Variants in SPATA16 observed in about 807,000 individuals in gnomAD.
SPATA16 encodes spermatogenesis associated 16.
A neutral mutation model predicts 63.3 loss-of-function variants in SPATA16; 36 were observed. The observed-to-expected ratio is 0.57, with a 90% CI of 0.44 to 0.75. The LOEUF is 0.75. Among genes scored for constraint, SPATA16 ranks in the 30% least tolerant of loss-of-function variants. The pLI, the probability that SPATA16 is intolerant of heterozygous loss-of-function variation, is 0.00. For missense variants in SPATA16, 646 were observed against 679.3 expected (o/e 0.95, Z 0.54); for synonymous variants, 203 against 216.7 (o/e 0.94, Z 0.56).
At chr3:172,950,239 G>A (rs1461978370) in intron 6 of SPATA16, among the ~76,000 whole-genome samples, 1 of 152,194 alleles carries the variant, frequency 6.6e-6, no homozygotes. Context: ...CAAAGGACAA[G>A]TGAACTGCTG....
At chr3:172,934,880 T>C (rs1434474373) in intron 6 of SPATA16, among the ~76,000 whole-genome samples, 1 of 152,192 alleles carries the variant, frequency 6.6e-6, no homozygotes, top group East Asian at 1.9e-4. Context: ...GTAGTTAGTT[T>C]GGTTGTGATG....
intron 3 of SPATA16, among the ~76,000 whole-genome samples, chr3:173,028,147 G>T (rs1358858539): frequency 6.7e-6 from 1 of 149,296 alleles, no homozygotes; most frequent in African/African-American, 2.5e-5. Flanking sequence ...CCATTGTCTT[G>T]GCTGTTAGCA....
intron 4 of SPATA16, among the ~76,000 whole-genome samples, chr3:172,993,493 G>A (rs1317775450): frequency 6.6e-6 from 1 of 152,090 alleles, no homozygotes; most frequent in Non-Finnish European, 1.5e-5. Context: ...GACAGATAAA[G>A]TCATCTGTGA....
chr3:172,901,559 T>G (rs1218154129), intron 10 of SPATA16, among the ~76,000 whole-genome samples: 1 of 152,256 alleles, frequency 6.6e-6, no homozygotes, highest in Non-Finnish European at 1.5e-5. Context: ...TTGATTGTCT[T>G]TCTTCATTCA....
At chr3:172,899,087 A>G (rs1271385080) in intron 10 of SPATA16, among the ~76,000 whole-genome samples, 2 of 152,012 alleles carry the variant, frequency 1.3e-5, no homozygotes, top group Non-Finnish European at 2.9e-5. Context: ...GTTATGATCC[A>G]GAATAGCATC....
rs373586537 is a variant in SPATA16 at position 172,907,028 on chromosome 3, G to T, written c.1587+6633C>A. ...TATGTAAAGTAAATAGGAGAGTTTG[G>T]GTCCCTATTAAGAGCTCAGAAAATA... On this transcript the variant is annotated intron_variant, in intron 10 of 10. Transcript: ENST00000351008. 6.0e-4 allele frequency among the ~76,000 whole-genome samples: 92 copies of T among 152,168 alleles called. 1 individual carries two copies. The highest frequency in any genetic ancestry group is 2.2e-3 in the African/African-American group (91 of 41,504).
chr3:173,004,594 T>C (rs1225174039), intron 4 of SPATA16, among the ~76,000 whole-genome samples: 8 of 152,216 alleles, frequency 5.3e-5, no homozygotes, highest in Non-Finnish European at 8.8e-5. Context: ...AGTCTTATGC[T>C]ATAATACCCC....
chr3:173,014,560 C>G (rs905111700), intron 4 of SPATA16, among the ~76,000 whole-genome samples: 1 of 152,144 alleles, frequency 6.6e-6, no homozygotes, highest in Non-Finnish European at 1.5e-5. Context: ...TGTAATAAAC[C>G]CGCACATGTA....
chr3:172,969,715 T>C (rs1191138635), intron 5 of SPATA16, among the ~76,000 whole-genome samples: 1 of 152,132 alleles, frequency 6.6e-6, no homozygotes, highest in East Asian at 1.9e-4. Flanking sequence ...TTTCCCCTCC[T>C]TGTTGCAACG....
At position 173,117,697 on chromosome 3, in the gene SPATA16, G is replaced by A. The variant is rs1257836762; in HGVS notation, c.35C>T (p.Ala12Val). ...CTGATCATGATAGATCCTATTCACT[G>A]CATTCTCCAAACTCCTACTGCTTCC... Reference protein sequence around the residue: ...DAGSSRSLENAVNRIYHDQLV... With the variant: ...DAGSSRSLENVVNRIYHDQLV... The change falls in exon 2 of 11, where the codon GCA (alanine) becomes GTA (valine). Residue 12 changes from alanine (A) to valine (V), a missense_variant. By Grantham distance (64) the Ala-to-Val change is moderately conservative. Transcript: ENST00000351008. 4 of 1,613,950 alleles carry A rather than the reference G, an allele frequency of 2.5e-6. No homozygotes were observed. Among genetic ancestry groups the A allele is most frequent in the Non-Finnish European group, 3.4e-6 (4 of 1,180,000 alleles).
Position 173,116,506 on chromosome 3 carries a change from C to A in SPATA16, c.612+614G>T, listed in dbSNP as rs1737904373. Among the ~76,000 whole-genome samples, 3 of 152,206 alleles carry A rather than the reference C, an allele frequency of 2.0e-5. No individual in the cohort carries two copies. In the South Asian group the frequency reaches 6.2e-4, roughly 32 times the overall value. ...TTCTGAAGTTTATTTTAGTCCATGG[C>A]TATTTTTTATGCCAAGGTATTCACA... On this transcript the variant is annotated intron_variant, in intron 2 of 10. Transcript: ENST00000351008.
intron 9 of SPATA16, 53 bp from the exon 10 acceptor site, chr3:172,913,797 C>T (rs1732423151): frequency 1.4e-6 from 2 of 1,457,294 alleles, no homozygotes; most frequent in African/African-American, 1.4e-5. Context: ...GAAATAACTT[C>T]TCTAAATACA....
At chr3:173,042,034 T>C (rs189221499) in intron 3 of SPATA16, among the ~76,000 whole-genome samples, 1 of 152,294 alleles carries the variant, frequency 6.6e-6, no homozygotes, top group Admixed American at 6.5e-5. Context: ...TTCCTATTAC[T>C]TCTATTATGA....
chr3:173,046,193 C>T (rs1057445073), intron 3 of SPATA16, among the ~76,000 whole-genome samples: 5 of 151,856 alleles, frequency 3.3e-5, no homozygotes, highest in African/African-American at 9.7e-5. Flanking sequence ...TAAACAGTGG[C>T]ACTGGTTTGA....
chr3:173,006,412 C>G (rs1002480520), intron 4 of SPATA16, among the ~76,000 whole-genome samples: 5 of 152,194 alleles, frequency 3.3e-5, no homozygotes, highest in African/African-American at 1.2e-4. Flanking sequence ...TTCATTTAAT[C>G]TATTTGTAGG....
At chr3:173,004,372 G>C (rs543128685) in intron 4 of SPATA16, among the ~76,000 whole-genome samples, 9 of 143,532 alleles carry the variant, frequency 6.3e-5, no homozygotes, top group Non-Finnish European at 1.4e-4. Flanking sequence ...CTCCTTTCAG[G>C]AATAATTGAA....
chr3:172,965,664 G>C (rs181241233), intron 5 of SPATA16, among the ~76,000 whole-genome samples: 4 of 151,186 alleles, frequency 2.6e-5, no homozygotes, highest in Non-Finnish European at 4.4e-5. Context: ...ATGGAGTCTC[G>C]CTCTGTCACC....
At chr3:173,119,179 A>G (rs1373830575) in intron 1 of SPATA16, among the ~76,000 whole-genome samples, 1 of 152,156 alleles carries the variant, frequency 6.6e-6, no homozygotes, top group African/African-American at 2.4e-5. Flanking sequence ...AAGGGGAGGG[A>G]GAGCATTAGG....
chr3:172,956,334 C>T (rs1185906996), intron 6 of SPATA16, among the ~76,000 whole-genome samples: 2 of 151,986 alleles, frequency 1.3e-5, no homozygotes, highest in African/African-American at 4.8e-5. Context: ...AATCCATCTG[C>T]AGGAAAATAC....
Sources: gnomAD v4.1 joint callset for allele counts (sites outside exome capture counted in the v4.1 genomes callset) on GRCh38, gnomAD v4.1.1 for gene constraint, MANE v1.5 for transcripts, NCBI Gene and HGNC (gene_info 2026-07-23, HGNC 2026-07-21) for gene names.